Variants in DNAH11 observed in about 807,000 individuals in gnomAD.
The protein encoded by DNAH11 is axonemal beta dynein heavy chain 11.
DNAH11 carries 442 observed loss-of-function variants against 526.0 expected under a neutral mutation model. That is an observed-to-expected ratio of 0.84 (90% CI 0.78 to 0.91). The LOEUF (loss-of-function observed/expected upper bound fraction) is 0.91. DNAH11 is among the 40% of genes least tolerant of loss of function. The pLI is 0.00. For synonymous variants in DNAH11, 2,461 were observed against 1,935.9 expected, an observed-to-expected ratio of 1.27 and a Z score of -7.12; for missense variants, 6,989 against 5,448.7, an observed-to-expected ratio of 1.28 and a Z score of -8.90.
In DNAH11 at chr7:21,867,879, T is replaced by A; in HGVS notation, c.11711T>A (p.Leu3904Gln). The A allele has an allele frequency of 6.3e-7, 1 of 1,576,940 alleles. No homozygotes were observed. The highest frequency in any genetic ancestry group is 8.6e-7 in the Non-Finnish European group (1 of 1,159,968). The part of the protein sequence containing the change: ...YALRNFVEEK[L>Q]GAKYVERTRL... ...TATAGAAATTTTGTAGAGGAAAAACTGGGTGCGAAGTATGTGGAGAGGACC... is the reference window on the plus strand; with the variant it reads ...TATAGAAATTTTGTAGAGGAAAAACAGGGTGCGAAGTATGTGGAGAGGACC... The change falls in exon 72 of 82, where the codon CTG becomes CAG. Residue 3904 changes from leucine to glutamine, a missense_variant. Coordinates refer to ENST00000409508, the MANE Select transcript of DNAH11 (RefSeq NM_001277115.2).
intron 45 of DNAH11, among the ~76,000 whole-genome samples, chr7:21,734,567 T>C (rs1041584429): frequency 1.3e-5 from 2 of 152,178 alleles, no homozygotes; most frequent in East Asian, 1.9e-4. Flanking sequence ...GTATAAAATA[T>C]TCAGTTGAGT....
intron 38 of DNAH11, among the ~76,000 whole-genome samples, 169 bp from the exon 39 acceptor site, chr7:21,705,291 G>C (rs1272140600): frequency 6.6e-6 from 1 of 152,188 alleles, no homozygotes. Context: ...GGGAGATCCA[G>C]GAAAAACTAT....
intron 62 of DNAH11, among the ~76,000 whole-genome samples, chr7:21,806,933 T>C (rs7780746): frequency 0.46 from 70,038 of 152,010 alleles, 17,697 homozygotes; most frequent in East Asian, 0.76. Context: ...CACCTTTTTA[T>C]ATAGGTCATA....
intron 67 of DNAH11, 42 bp from the exon 68 acceptor site, chr7:21,854,273 G>A (rs1466677019): frequency 1.2e-6 from 2 of 1,602,564 alleles, no homozygotes; most frequent in East Asian, 4.5e-5. Flanking sequence ...TAGAGAATAT[G>A]AAGAGTAAAT....
At chr7:21,679,030 G>GCA (rs369833103) in intron 30 of DNAH11, among the ~76,000 whole-genome samples, 70 of 151,956 alleles carry the variant, frequency 4.6e-4, no homozygotes, top group Non-Finnish European at 6.9e-4. Flanking sequence ...TCATGCCCAT[G>GCA]CACACACACA....
chr7:21,866,551 T>C lies in DNAH11; in HGVS notation c.11578T>C (p.Ser3860Pro). 3 of 1,613,832 alleles carry C rather than the reference T, an allele frequency of 1.9e-6. No individual in the cohort carries two copies. The highest frequency in any genetic ancestry group is 1.7e-5 in the Admixed American group (1 of 60,004). ...SAKQWRKWVE[S>P]ECPEKEKLPQ... is the part of the protein sequence containing the mutation. ...CAAGCAGTGGAGGAAGTGGGTAGAA[T>C]CCGAGTGTCCAGAAAAAGAAAAATT... The change falls in exon 71 of 82, where the codon TCC becomes CCC. Residue 3860 changes from serine to proline, a missense_variant. Ser to Pro is a moderately conservative substitution (Grantham distance 74). Coordinates refer to ENST00000409508, the MANE Select transcript of DNAH11 (RefSeq NM_001277115.2).
chr7:21,568,492 C>A (rs985775285), intron 6 of DNAH11, among the ~76,000 whole-genome samples: 2 of 152,206 alleles, frequency 1.3e-5, no homozygotes, highest in Non-Finnish European at 2.9e-5. Flanking sequence ...GGGTCACAGC[C>A]AGCCCCTGCG....
chr7:21,751,205 T>C (rs1159671203), intron 54 of DNAH11, among the ~76,000 whole-genome samples: 1 of 152,114 alleles, frequency 6.6e-6, no homozygotes, highest in Non-Finnish European at 1.5e-5. Context: ...GTGCCTGTAA[T>C]CCCAGCTACT....
At chr7:21,626,053 G>T (rs1421561362) in intron 25 of DNAH11, among the ~76,000 whole-genome samples, 1 of 152,008 alleles carries the variant, frequency 6.6e-6, no homozygotes, top group East Asian at 1.9e-4. Context: ...TTAAATATTT[G>T]TCTTTGTGCT....
chr7:21,727,092 C>A (rs1345776761), intron 45 of DNAH11, among the ~76,000 whole-genome samples: 2 of 150,682 alleles, frequency 1.3e-5, no homozygotes, highest in Non-Finnish European at 3.0e-5. Context: ...CGCCACCACG[C>A]CCGGCTAATG....
At chr7:21,544,102 T>C (rs1433444787) in intron 1 of DNAH11, among the ~76,000 whole-genome samples, 1 of 152,186 alleles carries the variant, frequency 6.6e-6, no homozygotes, top group Non-Finnish European at 1.5e-5. Flanking sequence ...CACACATGGG[T>C]GTTTACTGAA....
intron 62 of DNAH11, among the ~76,000 whole-genome samples, chr7:21,801,627 T>A (rs1022306084): frequency 6.6e-6 from 1 of 152,228 alleles, no homozygotes; most frequent in Non-Finnish European, 1.5e-5. Flanking sequence ...CTTCCTTTCT[T>A]TCTTACCACA....
rs1401934069 is a variant in DNAH11, at chr7:21,570,112, TAGA to T, written c.1242_1244del (p.Glu415del). 7 of 1,612,412 alleles carry T rather than the reference TAGA, an allele frequency of 4.3e-6. No individual in the cohort carries two copies. Among genetic ancestry groups the T allele is most frequent in the Non-Finnish European group, 5.9e-6 (7 of 1,179,280 alleles). ...CCTGAGGACCTTTTGAGGGGAGAAA[TAGA>T]AGAGTCACTGGAAAAGGTGCAGGTG... On this transcript the variant is annotated inframe_deletion, in exon 7 of 82. Transcript: ENST00000409508.
intron 54 of DNAH11, among the ~76,000 whole-genome samples, chr7:21,755,887 C>G (rs1786610780): frequency 6.6e-6 from 1 of 152,162 alleles, no homozygotes; most frequent in African/African-American, 2.4e-5. Context: ...CCACTTATAG[C>G]TTTTTCCAAA....
At chr7:21,885,339 C>A (rs6978557) in intron 76 of DNAH11, among the ~76,000 whole-genome samples, 4 of 148,634 alleles carry the variant, frequency 2.7e-5, no homozygotes, top group African/African-American at 9.8e-5. Context: ...GAGGACATTA[C>A]GTTAAATGAA....
At chr7:21,590,564 G>T (rs534018214) in intron 12 of DNAH11, among the ~76,000 whole-genome samples, 1 of 152,144 alleles carries the variant, frequency 6.6e-6, no homozygotes, top group Admixed American at 6.5e-5. Flanking sequence ...ATTCTGATCT[G>T]TTTCCCTAAA....
chr7:21,754,297 T>A (rs1786532906), intron 54 of DNAH11, among the ~76,000 whole-genome samples: 1 of 152,186 alleles, frequency 6.6e-6, no homozygotes, highest in Admixed American at 6.5e-5. Context: ...ATTTTCAGGA[T>A]CTATTGAGAT....
chr7:21,622,820 C>A (rs1011845645), intron 25 of DNAH11, among the ~76,000 whole-genome samples: 14 of 151,984 alleles, frequency 9.2e-5, no homozygotes, highest in Admixed American at 3.9e-4. Context: ...AATTAATTCA[C>A]GATGGATTAA....
chr7:21,881,337 G>A (rs1361973823), intron 75 of DNAH11, among the ~76,000 whole-genome samples: 1 of 152,152 alleles, frequency 6.6e-6, no homozygotes, highest in African/African-American at 2.4e-5. Context: ...AAATAATGGT[G>A]CATTTCCTGC....
Sources: gnomAD v4.1 joint callset for allele counts (sites outside exome capture counted in the v4.1 genomes callset) on GRCh38, gnomAD v4.1.1 for gene constraint, MANE v1.5 for transcripts, NCBI Gene and HGNC (gene_info 2026-07-23, HGNC 2026-07-21) for gene names.